HAUS7: variants seen among roughly 807,000 people sequenced by gnomAD.
The protein encoded by HAUS7 is HAUS augmin like complex subunit 7, also known as HAUS augmin-like complex subunit 7.
HAUS7 carries 3 observed loss-of-function variants against 28.4 expected under a neutral mutation model. The ratio of observed to expected loss-of-function variants is 0.11; its 90% CI spans 0.05 to 0.27. The LOEUF is 0.27. Among genes scored for constraint, HAUS7 ranks in the 10% least tolerant of loss-of-function variants. HAUS7 has a pLI of 1.00. For synonymous variants in HAUS7, 165 were observed against 132.1 expected (o/e 1.25, Z -1.71); for missense variants, 284 against 297.3 (o/e 0.96, Z 0.33).
intron 1 of HAUS7, chrX:153,482,003 A>G: frequency 2.0e-6 from 1 of 490,490 alleles, no homozygotes; most frequent in South Asian, 1.0e-4. Context: ...GACCTGAGGC[A>G]TCCACTCACT....
chrX:153,490,773 C>G (rs1433534364), intron 1 of HAUS7, among the ~76,000 whole-genome samples: 2 of 112,873 alleles, frequency 1.8e-5, no homozygotes, highest in African/African-American at 3.2e-5. Flanking sequence ...AGCTGAGGCT[C>G]TGCAAGAGCT....
chrX:153,460,768 G>C (rs1185675770), intron 4 of HAUS7, among the ~76,000 whole-genome samples: 1 of 112,169 alleles, frequency 8.9e-6, no homozygotes, highest in African/African-American at 3.2e-5. Context: ...GGTGGGTCAG[G>C]GAGGAACACC....
At chrX:153,468,340 G>C (rs1556984568) in intron 2 of HAUS7, among the ~76,000 whole-genome samples, 1 of 112,434 alleles carries the variant, frequency 8.9e-6, no homozygotes, top group Admixed American at 9.3e-5. Flanking sequence ...CTCACGAGAG[G>C]CTCCTGTACC....
At chrX:153,462,979 A>G (rs2089411950) in intron 3 of HAUS7, 1 of 430,625 alleles carries the variant, frequency 2.3e-6, no homozygotes, top group Non-Finnish European at 4.3e-6. Flanking sequence ...GAACCTCTAC[A>G]GTGCACTGTC....
intron 2 of HAUS7, among the ~76,000 whole-genome samples, chrX:153,467,736 AC>A (rs1156997587): frequency 1.8e-5 from 2 of 112,009 alleles, no homozygotes; most frequent in Non-Finnish European, 3.8e-5. Context: ...AGCCTGGAGA[AC>A]CCCCCGACTG....
intron 9 of HAUS7, among the ~76,000 whole-genome samples, chrX:153,449,522 G>C (rs1556980741): frequency 1.8e-5 from 2 of 112,604 alleles, no homozygotes; most frequent in African/African-American, 6.5e-5. Flanking sequence ...CCTCCATCCC[G>C]GCCTTCCTGC....
At chrX:153,449,789 CCT>C (rs1377981517) in intron 9 of HAUS7, among the ~76,000 whole-genome samples, 2 of 112,501 alleles carry the variant, frequency 1.8e-5, no homozygotes, top group Admixed American at 9.4e-5. Context: ...CTTCATCTCC[CCT>C]GTCCCCTGCC....
intron 1 of HAUS7, chrX:153,479,257 G>A: frequency 1.6e-6 from 1 of 640,022 alleles, no homozygotes; most frequent in Non-Finnish European, 1.9e-6. Context: ...TCCCTCCATG[G>A]CAGCCAAGAG....
intron 1 of HAUS7, chrX:153,483,467 C>G: frequency 1.3e-6 from 1 of 755,419 alleles, no homozygotes; most frequent in Non-Finnish European, 1.6e-6. Flanking sequence ...CCCAGAGCTT[C>G]GCCCCAATGG....
At chrX:153,488,975 G>A (rs1211138351) in intron 1 of HAUS7, among the ~76,000 whole-genome samples, 1 of 112,664 alleles carries the variant, frequency 8.9e-6, no homozygotes, top group East Asian at 2.8e-4. Context: ...TCCCAACTGG[G>A]GAGGCAGGGG....
intron 5 of HAUS7, 150 bp downstream of exon 5, chrX:153,456,987 G>A (rs782582858): frequency 1.5e-5 from 7 of 471,993 alleles, no homozygotes; most frequent in East Asian, 3.7e-5. Flanking sequence ...TATGCTGCCC[G>A]GCCCCTGATT....
chrX:153,459,411 T>A (rs1422054331), intron 4 of HAUS7, among the ~76,000 whole-genome samples: 1 of 112,161 alleles, frequency 8.9e-6, no homozygotes, highest in Non-Finnish European at 1.9e-5. Flanking sequence ...TGAAGTCCAA[T>A]TGATCTGTTT....
rs781923533 is a variant in HAUS7, at chrX:153,478,477, G to C, written c.-588-7332C>G. Among the ~76,000 whole-genome samples, 61 of 113,035 alleles carry C rather than the reference G, an allele frequency of 5.4e-4. 1 individual carries two copies. Among genetic ancestry groups the C allele is most frequent in the Non-Finnish European group, 1.0e-3 (56 of 53,357 alleles). On this transcript the variant is annotated intron_variant, in intron 1 of 5. Coordinates refer to the HAUS7 transcript ENST00000370210. Reference sequence around the variant, plus strand: ...GGATGCGTGCAGCCTAGGCACATCAGAGATCCCAGACTGTTGGCCAAGAAG... The same window carrying C: ...GGATGCGTGCAGCCTAGGCACATCACAGATCCCAGACTGTTGGCCAAGAAG...
At chrX:153,490,273 G>A (rs1029856173) in intron 1 of HAUS7, among the ~76,000 whole-genome samples, 8 of 113,045 alleles carry the variant, frequency 7.1e-5, no homozygotes, top group African/African-American at 2.6e-4. Context: ...CCTCCCCGGA[G>A]CCCCCACGCA....
At chrX:153,459,487 T>C (rs1489219466) in intron 4 of HAUS7, among the ~76,000 whole-genome samples, 1 of 111,505 alleles carries the variant, frequency 9.0e-6, no homozygotes, top group Non-Finnish European at 1.9e-5. Flanking sequence ...TATGAACACC[T>C]GGATTTGGGC....
chrX:153,458,308 A>G (rs2089342652), intron 4 of HAUS7, among the ~76,000 whole-genome samples: 1 of 113,033 alleles, frequency 8.8e-6, no homozygotes, highest in African/African-American at 3.2e-5. Context: ...GACCACAGTC[A>G]TGTGCTCCAA....
chrX:153,448,709 G>A (rs1420767186), intron 9 of HAUS7, among the ~76,000 whole-genome samples: 1 of 112,528 alleles, frequency 8.9e-6, no homozygotes, highest in Non-Finnish European at 1.9e-5. Flanking sequence ...CCACCAGGAT[G>A]GCAGGGAAGG....
At chrX:153,466,249 C>T (rs1473808260) in intron 2 of HAUS7, among the ~76,000 whole-genome samples, 1 of 112,746 alleles carries the variant, frequency 8.9e-6, no homozygotes. Flanking sequence ...GCACAAGGCT[C>T]GGAGGAGCAG....
At chrX:153,469,293 G>C (rs2089491343) in intron 1 of HAUS7, 32 bp from the exon 2 acceptor site, 1 of 644,439 alleles carries the variant, frequency 1.6e-6, no homozygotes, top group African/African-American at 2.2e-5. Context: ...AACATTCACT[G>C]AAAGTCCCAG....
Sources: allele counts gnomAD v4.1 joint callset (sites outside exome capture counted in the v4.1 genomes callset), GRCh38; gene constraint gnomAD v4.1.1; transcripts MANE v1.5; gene names NCBI Gene and HGNC (gene_info 2026-07-23, HGNC 2026-07-21).